Variants in CHD9 observed in about 807,000 individuals in gnomAD.
CHD9 encodes chromodomain helicase DNA binding protein 9.
CHD9 carries 77 observed loss-of-function variants against 316.1 expected under a neutral mutation model. The ratio of observed to expected loss-of-function variants is 0.24; its 90% CI spans 0.20 to 0.29. The LOEUF is 0.29. CHD9 is among the 10% of genes least tolerant of loss of function. The probability of loss-of-function intolerance (pLI) is 1.00; values close to 1 mark genes in which losing one functional copy is unlikely to be tolerated. For missense variants in CHD9, 2,763 were observed against 3,438.1 expected (o/e 0.80, Z 4.91); for synonymous variants, 1,129 against 1,158.3 (o/e 0.97, Z 0.51).
intron 22 of CHD9, among the ~76,000 whole-genome samples, chr16:53,273,192 TAACTC>T (rs1015683289): frequency 2.0e-5 from 3 of 152,078 alleles, no homozygotes; most frequent in South Asian, 2.1e-4. Flanking sequence ...TCACAACAAA[TAACTC>T]AAAGAACTAA....
At chr16:53,292,805 A>G (rs374831607) in intron 28 of CHD9, 28 bp from the exon 29 acceptor site, 2 of 1,552,756 alleles carry the variant, frequency 1.3e-6, no homozygotes, top group Non-Finnish European at 1.8e-6. Flanking sequence ...CTGTTTAGTT[A>G]TTATTACTAT....
At chr16:53,282,449 T>A (rs145518012) in intron 24 of CHD9, among the ~76,000 whole-genome samples, 119 of 152,028 alleles carry the variant, frequency 7.8e-4, no homozygotes, top group Non-Finnish European at 1.4e-3. Context: ...CTACAAAAAG[T>A]AGAAAAATTG....
chr16:53,218,340 A>G (rs1278192310), intron 3 of CHD9, among the ~76,000 whole-genome samples: 1 of 151,514 alleles, frequency 6.6e-6, no homozygotes, highest in African/African-American at 2.5e-5. Flanking sequence ...ATTTTCAAAT[A>G]ATTAGTATAA....
intron 24 of CHD9, among the ~76,000 whole-genome samples, chr16:53,282,221 C>T (rs1213986031): frequency 1.3e-5 from 2 of 152,136 alleles, no homozygotes; most frequent in African/African-American, 2.4e-5. Flanking sequence ...TACACACATG[C>T]GTGCACACAA....
chr16:53,073,695 CA>C (rs1417424717), intron 1 of CHD9, among the ~76,000 whole-genome samples: 1 of 152,184 alleles, frequency 6.6e-6, no homozygotes, highest in Non-Finnish European at 1.5e-5. Flanking sequence ...ATGGGTTTAT[CA>C]GGGGTTTTTG....
At chr16:53,057,618 T>G (rs1445608862) in intron 1 of CHD9, among the ~76,000 whole-genome samples, 1 of 150,766 alleles carries the variant, frequency 6.6e-6, no homozygotes, top group African/African-American at 2.4e-5. Flanking sequence ...CACGCCATTG[T>G]ACTCCAGCCT....
intron 1 of CHD9, among the ~76,000 whole-genome samples, chr16:53,102,794 A>G (rs538791498): frequency 6.6e-6 from 1 of 152,186 alleles, no homozygotes; most frequent in African/African-American, 2.4e-5. Context: ...AGGCCACAGT[A>G]AGCTGTGATG....
At chr16:53,202,688 C>T (rs1185380547) in intron 2 of CHD9, among the ~76,000 whole-genome samples, 2 of 152,032 alleles carry the variant, frequency 1.3e-5, no homozygotes, top group East Asian at 1.9e-4. Flanking sequence ...TACTGTTTGC[C>T]TGGACTTTTA....
intron 2 of CHD9, among the ~76,000 whole-genome samples, chr16:53,163,114 T>C (rs1343141211): frequency 6.6e-6 from 1 of 152,156 alleles, no homozygotes; most frequent in Non-Finnish European, 1.5e-5. Flanking sequence ...TTTGTAATAT[T>C]ATTACCAAAA....
At chr16:53,209,402 T>C (rs1597441136) in intron 2 of CHD9, 80 bp from the exon 3 acceptor site, 2 of 1,015,332 alleles carry the variant, frequency 2.0e-6, no homozygotes, top group South Asian at 3.7e-5. Context: ...CTAAACATAA[T>C]TTAAGATTTT....
chr16:53,273,698 A>G lies in CHD9; in HGVS notation c.4790A>G (p.Gln1597Arg). 1.9e-6 allele frequency: 3 copies of G among 1,613,598 alleles called. No individual in the cohort carries two copies. The South Asian group carries it at 3.3e-5, about 18-fold the overall frequency. ...VKTQTSSFDI[Q>R]KAEWLRKYNP... ...ACTCAAACAAGCTCATTTGATATACAAAAAGCAGAATGGCTTCGAAAATAT... is the reference window on the plus strand; with the variant it reads ...ACTCAAACAAGCTCATTTGATATACGAAAAGCAGAATGGCTTCGAAAATAT... Residue 1597 changes from glutamine (Q) to arginine (R), a missense_variant, in exon 23 of 39, where the codon CAA becomes CGA. Coordinates refer to ENST00000447540, the MANE Select transcript of CHD9 (RefSeq NM_001308319.2).
At position 53,304,097 on chromosome 16, in the gene CHD9, C is replaced by A; in HGVS notation, c.6091C>A (p.Leu2031Ile). 6.2e-7 allele frequency: 1 copy of A among 1,613,970 alleles called. No homozygotes were observed. Among genetic ancestry groups the A allele is most frequent in the Non-Finnish European group, 8.5e-7 (1 of 1,179,868 alleles). The change falls in exon 31 of 39, where the codon CTA becomes ATA. Residue 2031 changes from leucine to isoleucine, a missense_variant. This residue lies in a region of CHD9 where 663 missense variants were observed against 751.2 expected (regional missense o/e 0.88). Transcript: ENST00000447540. ...ACTTTCTGCTTCTCCTCTTACCTCT[C>A]TACCTAGGCTCCTAGATGCTAAAGG... ...VALSASPLTS[L>I]PRLLDAKGII...
intron 38 of CHD9, among the ~76,000 whole-genome samples, chr16:53,322,476 C>CA (rs1337319035): frequency 2.6e-5 from 4 of 151,754 alleles, no homozygotes; most frequent in Non-Finnish European, 5.9e-5. Flanking sequence ...GCAGTAGTCC[C>CA]AGCTGAGGCT....
In CHD9 at chr16:53,303,900, C is replaced by T. The variant is rs1229200981; in HGVS notation, c.5894C>T (p.Pro1965Leu). ...TTACCAGTCTGGTGGGAATGTGGCCCTCATGATAGGGATTTGCTTATTGGT... is the reference window on the plus strand; with the variant it reads ...TTACCAGTCTGGTGGGAATGTGGCCTTCATGATAGGGATTTGCTTATTGGT... ...PDLPVWWECG[P>L]HDRDLLIGAA... The change falls in exon 31 of 39, where the codon CCT (proline) becomes CTT (leucine). Residue 1965 changes from proline (P) to leucine (L), a missense_variant. Pro to Leu is a moderately conservative substitution (Grantham distance 98, BLOSUM62 -3). Transcript: ENST00000447540. The T allele has an allele frequency of 3.1e-6, 5 of 1,614,008 alleles. No individual in the cohort carries two copies. The South Asian group carries it at 4.4e-5, about 14-fold the overall frequency.
chr16:53,109,809 C>A (rs981670781), intron 1 of CHD9, among the ~76,000 whole-genome samples: 1 of 151,076 alleles, frequency 6.6e-6, no homozygotes. Flanking sequence ...CTCAGCCTCC[C>A]GAGTAGCTGG....
intron 36 of CHD9, among the ~76,000 whole-genome samples, chr16:53,316,820 C>T (rs547258217): frequency 1.3e-4 from 20 of 151,972 alleles, no homozygotes; most frequent in Admixed American, 6.6e-4. Context: ...AAAATAGAGC[C>T]GACATTTGTC....
intron 1 of CHD9, among the ~76,000 whole-genome samples, chr16:53,076,378 C>T (rs1432677755): frequency 6.6e-6 from 1 of 151,916 alleles, no homozygotes; most frequent in Non-Finnish European, 1.5e-5. Context: ...AGTTCGAGAC[C>T]AGCCTGGCCA....
chr16:53,179,462 G>A (rs1264664761), intron 2 of CHD9, among the ~76,000 whole-genome samples: 1 of 151,524 alleles, frequency 6.6e-6, no homozygotes, highest in African/African-American at 2.4e-5. Flanking sequence ...ACATATTTAT[G>A]TCCCTCTGCA....
At chr16:53,073,988 C>T (rs963368767) in intron 1 of CHD9, among the ~76,000 whole-genome samples, 9 of 152,126 alleles carry the variant, frequency 5.9e-5, no homozygotes, top group African/African-American at 9.6e-5. Flanking sequence ...GAAGAAGACA[C>T]GAAAATGTGG....
Sources: allele counts gnomAD v4.1 joint callset (sites outside exome capture counted in the v4.1 genomes callset), GRCh38; gene constraint gnomAD v4.1.1; regional missense constraint gnomAD v4.1.1; transcripts MANE v1.5; gene names NCBI Gene and HGNC (gene_info 2026-07-23, HGNC 2026-07-21).